Variants in SLC35D4 observed in about 807,000 individuals in gnomAD.
The protein encoded by SLC35D4 is UDP-N-acetylglucosamine transporter SLC35D4.
At chr18:23,434,721 G>A in the SLC35D4 span, among the ~76,000 whole-genome samples, 4 of 152,124 alleles carry the variant, frequency 2.6e-5, no homozygotes, top group Non-Finnish European at 5.9e-5. Flanking sequence ...TTGAGCCTAG[G>A]AGGCAGAGGT....
the SLC35D4 span, among the ~76,000 whole-genome samples, chr18:23,284,118 C>A: frequency 6.6e-6 from 1 of 152,196 alleles, no homozygotes; most frequent in Non-Finnish European, 1.5e-5. Flanking sequence ...TGAGGACAAC[C>A]AAAGGTCACT....
the SLC35D4 span, among the ~76,000 whole-genome samples, chr18:23,288,951 C>T: frequency 2.6e-5 from 4 of 152,202 alleles, no homozygotes; most frequent in African/African-American, 7.2e-5. Flanking sequence ...ACTTTCCCTT[C>T]TCAGAATTCA....
At chr18:23,349,913 C>A in the SLC35D4 span, among the ~76,000 whole-genome samples, 1 of 152,180 alleles carries the variant, frequency 6.6e-6, no homozygotes, top group Admixed American at 6.5e-5. Context: ...ATTCTTTAAA[C>A]ATGGTTTCCT....
chr18:23,309,818 AAGCTT>A, the SLC35D4 span: 15 of 1,442,274 alleles, frequency 1.0e-5, no homozygotes, highest in Non-Finnish European at 1.5e-5. Context: ...TTTTTTTCAC[AAGCTT>A]AGCTCACTTG....
chr18:23,403,927 G>A, the SLC35D4 span, among the ~76,000 whole-genome samples: 1 of 152,122 alleles, frequency 6.6e-6, no homozygotes, highest in Non-Finnish European at 1.5e-5. Flanking sequence ...AGAACATCCT[G>A]GCTAACATGG....
chr18:23,384,881 G>A, the SLC35D4 span: 1 of 903,476 alleles, frequency 1.1e-6, no homozygotes. Flanking sequence ...ATCTTGCCTG[G>A]AGATTGGTGG....
chr18:23,382,765 G>A, the SLC35D4 span, among the ~76,000 whole-genome samples: 4 of 152,314 alleles, frequency 2.6e-5, no homozygotes, highest in East Asian at 1.9e-4. Flanking sequence ...CCCAAGTGCC[G>A]AGAGGCCTCC....
the SLC35D4 span, among the ~76,000 whole-genome samples, chr18:23,436,033 CTTTTTTTT>C: frequency 1.9e-4 from 18 of 96,244 alleles, no homozygotes; most frequent in African/African-American, 4.9e-4. Flanking sequence ...AACACTTTCT[CTTTTTTTT>C]TTTTTTTTTT....
chr18:23,373,744 C>G, the SLC35D4 span: 24 of 1,613,462 alleles, frequency 1.5e-5, no homozygotes, highest in South Asian at 2.5e-4. Context: ...CATCCTGCTG[C>G]GGCCAGGAGG....
At chr18:23,280,902 T>C in the SLC35D4 span, among the ~76,000 whole-genome samples, 1 of 151,956 alleles carries the variant, frequency 6.6e-6, no homozygotes, top group Non-Finnish European at 1.5e-5. Context: ...GGTCCCTGAG[T>C]CCCACCCCCA....
chr18:23,307,919 C>T, the SLC35D4 span, among the ~76,000 whole-genome samples: 4 of 152,192 alleles, frequency 2.6e-5, no homozygotes, highest in African/African-American at 9.7e-5. Context: ...GCTCAGCCAT[C>T]CTTCTGAAGA....
chr18:23,396,416 C>T, the SLC35D4 span, among the ~76,000 whole-genome samples: 1 of 152,132 alleles, frequency 6.6e-6, no homozygotes, highest in Non-Finnish European at 1.5e-5. Flanking sequence ...TGTTTATCCA[C>T]CCTATGAATT....
At chr18:23,434,396 G>A in the SLC35D4 span, among the ~76,000 whole-genome samples, 7 of 152,144 alleles carry the variant, frequency 4.6e-5, no homozygotes, top group East Asian at 3.9e-4. Flanking sequence ...CTACGATTTC[G>A]ATTATTCAGA....
At chr18:23,433,628 C>T in the SLC35D4 span, among the ~76,000 whole-genome samples, 2 of 152,188 alleles carry the variant, frequency 1.3e-5, no homozygotes, top group African/African-American at 4.8e-5. Context: ...TCCTCCCTCC[C>T]TACCTAGGGC....
At chr18:23,355,896 A>G in the SLC35D4 span, among the ~76,000 whole-genome samples, 2 of 152,192 alleles carry the variant, frequency 1.3e-5, no homozygotes, top group African/African-American at 2.4e-5. Context: ...TCTTTCTATC[A>G]TATCGGGATA....
the SLC35D4 span, among the ~76,000 whole-genome samples, chr18:23,361,097 T>C: frequency 0.48 from 58,586 of 121,902 alleles, 13,147 homozygotes; most frequent in Non-Finnish European, 0.5. Flanking sequence ...GTTCGAGACT[T>C]TGTCTCAAAA....
the SLC35D4 span, among the ~76,000 whole-genome samples, chr18:23,397,449 T>C: frequency 1.3e-5 from 2 of 152,128 alleles, no homozygotes; most frequent in African/African-American, 4.8e-5. Flanking sequence ...ATTGTTGCTA[T>C]AGGGGTGGGC....
chr18:23,367,948 T>C, the SLC35D4 span, among the ~76,000 whole-genome samples: 3 of 152,154 alleles, frequency 2.0e-5, no homozygotes, highest in East Asian at 5.8e-4. Flanking sequence ...GAAATTCTAC[T>C]AATATAAAAA....
At chr18:23,272,543 TAGG>T in the SLC35D4 span, among the ~76,000 whole-genome samples, 1 of 151,740 alleles carries the variant, frequency 6.6e-6, no homozygotes, top group Non-Finnish European at 1.5e-5. Flanking sequence ...TGGGGATGAG[TAGG>T]AGATCAGAAA....
Sources: allele counts gnomAD v4.1 joint callset (sites outside exome capture counted in the v4.1 genomes callset), GRCh38; gene constraint gnomAD v4.1.1; transcripts MANE v1.5; gene names NCBI Gene and HGNC (gene_info 2026-07-23, HGNC 2026-07-21).